FNDC3A: variants seen among roughly 807,000 people sequenced by gnomAD.
FNDC3A encodes fibronectin type III domain containing 3A.
A neutral mutation model predicts 148.9 loss-of-function variants in FNDC3A; 32 were observed. The ratio of observed to expected loss-of-function variants is 0.21; its 90% confidence interval spans 0.16 to 0.29. The LOEUF is 0.29. FNDC3A is among the 10% of genes least tolerant of loss of function. The probability of loss-of-function intolerance (pLI) is 1.00; values close to 1 mark genes in which losing one functional copy is unlikely to be tolerated. For missense variants in FNDC3A, 1,191 were observed against 1,452.8 expected (o/e 0.82, Z 2.93); for synonymous variants, 472 against 473.6 (o/e 1.00, Z 0.04).
intron 2 of FNDC3A, among the ~76,000 whole-genome samples, chr13:49,043,813 A>C (rs1268951190): frequency 2.0e-5 from 3 of 152,190 alleles, no homozygotes; most frequent in African/African-American, 7.2e-5. Flanking sequence ...GATCAAGCAT[A>C]CTTCATATAC....
chr13:48,979,190 G>T (rs1951656309), intron 1 of FNDC3A, among the ~76,000 whole-genome samples: 1 of 152,150 alleles, frequency 6.6e-6, no homozygotes, highest in Non-Finnish European at 1.5e-5. Flanking sequence ...TGTGCTTGCA[G>T]GGTGATGCAA....
chr13:49,207,118 G>A lies in FNDC3A; in HGVS notation c.3320G>A (p.Ser1107Asn), dbSNP rs199704841. Reference protein sequence around the residue: ...KGPDSSFRYSSLQLNCEYRFR... With the variant: ...KGPDSSFRYSNLQLNCEYRFR... ...CCCGACTCTTCCTTCCGGTATTCCAGCCTTCAGCTGAACTGTGAATATCGC... is the reference window on the plus strand; with the variant it reads ...CCCGACTCTTCCTTCCGGTATTCCAACCTTCAGCTGAACTGTGAATATCGC... The change falls in exon 26 of 26, where the codon AGC becomes AAC. Residue 1107 changes from serine to asparagine, a missense_variant. Transcript: ENST00000492622. 274 of 1,613,998 alleles carry A rather than the reference G, an allele frequency of 1.7e-4. 1 individual carries two copies. Among genetic ancestry groups the A allele is most frequent in the Admixed American group, 1.2e-4 (7 of 60,008 alleles).
chr13:49,042,048 G>A (rs186047387), intron 2 of FNDC3A, among the ~76,000 whole-genome samples: 75 of 152,148 alleles, frequency 4.9e-4, no homozygotes, highest in East Asian at 4.3e-3. Flanking sequence ...CAATTTGGTC[G>A]TCAGGGAGCG....
chr13:49,197,831 T>C lies in FNDC3A; in HGVS notation c.2447T>C (p.Ile816Thr). 4 of 1,607,672 alleles carry C rather than the reference T, an allele frequency of 2.5e-6. No homozygotes were observed. The highest frequency in any genetic ancestry group is 2.5e-6 in the Non-Finnish European group (3 of 1,178,574). ...CYCGPGLSYEIKGLSPATTYY... is the reference protein window; with the variant it reads ...CYCGPGLSYETKGLSPATTYY... ...TGTGGGCCTGGTCTCAGTTATGAAA[T>C]AAAAGGACTTTCACCAGCAACTACC... is the stretch of plus-strand genomic sequence containing the variant. The change falls in exon 21 of 26, where the codon ATA becomes ACA. Residue 816 changes from isoleucine (I) to threonine (T), a missense_variant. Transcript: ENST00000492622.
chr13:49,134,217 T>A (rs1280378539), intron 5 of FNDC3A, among the ~76,000 whole-genome samples: 2 of 152,254 alleles, frequency 1.3e-5, no homozygotes, highest in Non-Finnish European at 2.9e-5. Context: ...ACTTTCTGTC[T>A]GTATGGGTTT....
At chr13:49,077,400 T>C (rs955778276) in intron 3 of FNDC3A, among the ~76,000 whole-genome samples, 2 of 152,262 alleles carry the variant, frequency 1.3e-5, no homozygotes, top group African/African-American at 2.4e-5. Context: ...AGCAAGACTG[T>C]CTAGCCCAGG....
chr13:49,091,766 C>A (rs1390902709), intron 3 of FNDC3A, among the ~76,000 whole-genome samples: 1 of 152,182 alleles, frequency 6.6e-6, no homozygotes, highest in Non-Finnish European at 1.5e-5. Context: ...GGAGTGGAGA[C>A]TATGGGCATT....
intron 2 of FNDC3A, among the ~76,000 whole-genome samples, chr13:49,030,070 A>G (rs1873996199): frequency 6.6e-6 from 1 of 152,180 alleles, no homozygotes; most frequent in South Asian, 2.1e-4. Flanking sequence ...AAACTAAACC[A>G]GACAGAGACA....
chr13:49,207,676 T>C lies in FNDC3A; in HGVS notation c.*281T>C. Reference sequence around the variant, plus strand: ...CAAATGCCTTCTTATAGAAAAACTTTCTAAGAGGCAACAATTTAGAATGGA... The same window carrying C: ...CAAATGCCTTCTTATAGAAAAACTTCCTAAGAGGCAACAATTTAGAATGGA... On this transcript the variant is annotated 3_prime_UTR_variant, in exon 26 of 26. Coordinates refer to ENST00000492622, the MANE Select transcript of FNDC3A (RefSeq NM_001079673.2). 3.4e-6 allele frequency: 1 copy of C among 298,324 alleles called. No homozygotes were observed. The highest frequency in any genetic ancestry group is 1.1e-3 in the Middle Eastern group (1 of 950). The allele number at this position is 298,324 out of a possible 1,614,324, so 18.5% of individuals were successfully genotyped here. A position where few individuals can be genotyped will look rare whatever the true frequency, so the allele number is the denominator to read the frequency against.
chr13:49,158,927 T>C (rs547242442), intron 8 of FNDC3A, among the ~76,000 whole-genome samples: 2 of 152,350 alleles, frequency 1.3e-5, no homozygotes, highest in East Asian at 3.9e-4. Flanking sequence ...ATCAGATGTT[T>C]GTAGATATGT....
At chr13:49,050,125 T>C (rs1481732119) in intron 2 of FNDC3A, among the ~76,000 whole-genome samples, 1 of 152,248 alleles carries the variant, frequency 6.6e-6, no homozygotes, top group Non-Finnish European at 1.5e-5. Context: ...TTTTTTTGTT[T>C]GTTTCCATTT....
intron 8 of FNDC3A, among the ~76,000 whole-genome samples, chr13:49,149,246 G>A (rs1883155892): frequency 6.6e-6 from 1 of 151,550 alleles, no homozygotes; most frequent in South Asian, 2.1e-4. Flanking sequence ...TACCATATTG[G>A]AGTGGTGAGA....
intron 19 of FNDC3A, among the ~76,000 whole-genome samples, chr13:49,195,003 C>A (rs1432779472): frequency 6.6e-6 from 1 of 151,900 alleles, no homozygotes; most frequent in African/African-American, 2.4e-5. Context: ...TTTGATTTTG[C>A]CCTTTATAGA....
intron 3 of FNDC3A, among the ~76,000 whole-genome samples, chr13:49,102,406 A>T (rs1411997280): frequency 6.6e-6 from 1 of 152,158 alleles, no homozygotes; most frequent in Non-Finnish European, 1.5e-5. Context: ...TTGCTTTATT[A>T]TATGTAACTA....
At chr13:49,055,745 A>G (rs951625858) in intron 2 of FNDC3A, among the ~76,000 whole-genome samples, 1 of 151,970 alleles carries the variant, frequency 6.6e-6, no homozygotes, top group Admixed American at 6.5e-5. Context: ...TATATCTTAC[A>G]TGTATTTGAT....
chr13:49,059,881 AAAG>A (rs2137733599), intron 2 of FNDC3A, among the ~76,000 whole-genome samples: 1 of 152,352 alleles, frequency 6.6e-6, no homozygotes, highest in South Asian at 2.1e-4. Context: ...ACTTTTCTCC[AAAG>A]AAGATGGAGT....
intron 23 of FNDC3A, 67 bp downstream of exon 23, chr13:49,198,641 T>A: frequency 7.7e-7 from 1 of 1,302,678 alleles, no homozygotes; most frequent in East Asian, 2.4e-5. Flanking sequence ...TCTGTAACTA[T>A]TAGAAGTAGG....
chr13:49,005,099 C>G (rs1952197401), intron 1 of FNDC3A, among the ~76,000 whole-genome samples: 3 of 151,642 alleles, frequency 2.0e-5, no homozygotes, highest in Admixed American at 2.0e-4. Flanking sequence ...GTGGTATTAA[C>G]TATGAAATCT....
At chr13:49,160,560 A>G (rs1884035885) in intron 8 of FNDC3A, among the ~76,000 whole-genome samples, 1 of 151,862 alleles carries the variant, frequency 6.6e-6, no homozygotes, top group African/African-American at 2.4e-5. Flanking sequence ...TGATCTTTTC[A>G]GAAAACCAGC....
Sources: allele counts gnomAD v4.1 joint callset (sites outside exome capture counted in the v4.1 genomes callset), GRCh38; gene constraint gnomAD v4.1.1; transcripts MANE v1.5; gene names NCBI Gene and HGNC (gene_info 2026-07-23, HGNC 2026-07-21).